The following TMEM170B variants were observed in gnomAD, a reference collection of about 807,000 sequenced individuals.
TMEM170B encodes the protein transmembrane protein 170B.
A neutral mutation model predicts 13.0 loss-of-function variants in TMEM170B; 6 were observed. The ratio of observed to expected loss-of-function variants is 0.46; its 90% CI spans 0.25 to 0.91. TMEM170B has a LOEUF of 0.91. Ranked by LOEUF, TMEM170B falls within the 40% of genes least tolerant of loss-of-function variation. The pLI is 0.17. For synonymous variants in TMEM170B, 61 were observed against 64.9 expected (o/e 0.94, Z 0.29); for missense variants, 138 against 165.2 (o/e 0.84, Z 0.90).
intron 1 of TMEM170B, among the ~76,000 whole-genome samples, chr6:11,563,345 C>T (rs938957739): frequency 2.6e-5 from 4 of 152,114 alleles, no homozygotes; most frequent in African/African-American, 9.7e-5. Context: ...GTTTTCTCCT[C>T]CCTCACACAG....
At chr6:11,563,050 C>A (rs892135880) in intron 1 of TMEM170B, among the ~76,000 whole-genome samples, 1 of 152,216 alleles carries the variant, frequency 6.6e-6, no homozygotes, top group African/African-American at 2.4e-5. Context: ...AGCATACTCG[C>A]TGTTGACTGG....
chr6:11,562,817 C>T (rs553114783), intron 1 of TMEM170B, among the ~76,000 whole-genome samples: 58 of 152,224 alleles, frequency 3.8e-4, no homozygotes, highest in African/African-American at 1.4e-3. Context: ...AATTGTATCA[C>T]TTACATGTAT....
At chr6:11,552,112 G>A (rs1759532823) in intron 1 of TMEM170B, among the ~76,000 whole-genome samples, 1 of 152,156 alleles carries the variant, frequency 6.6e-6, no homozygotes, top group Non-Finnish European at 1.5e-5. Context: ...ATGCTGCCTT[G>A]TAAACCAACT....
intron 2 of TMEM170B, among the ~76,000 whole-genome samples, chr6:11,570,113 T>C (rs757627581): frequency 1.3e-5 from 2 of 152,154 alleles, no homozygotes; most frequent in African/African-American, 4.8e-5. Context: ...TTGGGAAGAA[T>C]TGCCATATTA....
chr6:11,551,790 G>T (rs1759528441), intron 1 of TMEM170B, among the ~76,000 whole-genome samples: 1 of 152,166 alleles, frequency 6.6e-6, no homozygotes, highest in Non-Finnish European at 1.5e-5. Flanking sequence ...ACAAGAAGAG[G>T]TTAAGAGTGG....
Position 11,576,563 on chromosome 6 carries a change from A to G in TMEM170B, c.*1002A>G, listed in dbSNP as rs985028227. The G allele has an allele frequency of 5.3e-5, 8 of 152,146 alleles. No homozygotes were observed. The highest frequency in any genetic ancestry group is 1.9e-4 in the African/African-American group (8 of 41,452). The allele number at this position is 152,146 out of a possible 1,614,324, so 9.4% of individuals were successfully genotyped here. On this transcript the variant is annotated 3_prime_UTR_variant, in exon 3 of 3. Coordinates refer to ENST00000379426, the MANE Select transcript of TMEM170B (RefSeq NM_001100829.3). ...CATAAACAGTCTTTCATTCTGGAGT[A>G]TTAACTGTTTTTAGAGACTGGCCTA...
chr6:11,582,871 T>C lies in TMEM170B; in HGVS notation c.*7310T>C, dbSNP rs143566428. 71 of 152,336 alleles carry C rather than the reference T, an allele frequency of 4.7e-4. No homozygotes were observed. Among genetic ancestry groups the C allele is most frequent in the African/African-American group, 1.7e-3 (69 of 41,594 alleles). The allele number at this position is 152,336 out of a possible 1,614,324, so 9.4% of individuals were successfully genotyped here. A position where few individuals can be genotyped will look rare whatever the true frequency, so the allele number is the denominator to read the frequency against. ...CCTTCTGTTAAGACTATAAACTATA[T>C]GAGTATGTGTACTGCATGTTTACAT... is the stretch of plus-strand genomic sequence containing the variant. On this transcript the variant is annotated 3_prime_UTR_variant, in exon 3 of 3. Coordinates refer to ENST00000379426, the MANE Select transcript of TMEM170B (RefSeq NM_001100829.3).
Position 11,575,795 on chromosome 6 carries a change from TAA to T in TMEM170B, c.*236_*237del, listed in dbSNP as rs1759867052. 2.8e-6 allele frequency: 1 copy of T among 358,298 alleles called. No homozygotes were observed. 22.2% of individuals were successfully genotyped at this position (358,298 alleles called of 1,614,324 possible). ...AGGCAAGGTGCATTAAGACACTATG[TAA>T]AGTTACAAGAAAAAGCACCTTGTTT... On this transcript the variant is annotated 3_prime_UTR_variant, in exon 3 of 3. Coordinates refer to ENST00000379426, the MANE Select transcript of TMEM170B (RefSeq NM_001100829.3). The surrounding 1 kb of genome is among the most constrained non-coding windows in gnomAD (Gnocchi z 4.1).
At chr6:11,542,012 A>C (rs947603699) in intron 1 of TMEM170B, among the ~76,000 whole-genome samples, 3 of 111,340 alleles carry the variant, frequency 2.7e-5, no homozygotes, top group Non-Finnish European at 6.3e-5. Context: ...AAAATACAAT[A>C]ATAAAATAAT....
At position 11,581,851 on chromosome 6, in the gene TMEM170B, G is replaced by C. The variant is rs906738132; in HGVS notation, c.*6290G>C. 1.3e-5 allele frequency: 2 copies of C among 152,180 alleles called. No individual in the cohort carries two copies. Among genetic ancestry groups the C allele is most frequent in the African/African-American group, 4.8e-5 (2 of 41,450 alleles). 9.4% of individuals were successfully genotyped at this position (152,180 alleles called of 1,614,324 possible). A position where few individuals can be genotyped will look rare whatever the true frequency, so the allele number is the denominator to read the frequency against. On this transcript the variant is annotated 3_prime_UTR_variant, in exon 3 of 3. Coordinates refer to ENST00000379426, the MANE Select transcript of TMEM170B (RefSeq NM_001100829.3). ...AGTTTTCTCCATAGAAAGCAACATA[G>C]TGGCACTTGTTGAGTAAATGATCAT...
chr6:11,569,042 T>A (rs1397100094), intron 2 of TMEM170B, among the ~76,000 whole-genome samples: 5 of 152,154 alleles, frequency 3.3e-5, no homozygotes, highest in Non-Finnish European at 7.4e-5. Flanking sequence ...TAATTTGCAT[T>A]TCTGTGATTA....
chr6:11,540,004 A>G (rs1039981407), intron 1 of TMEM170B, among the ~76,000 whole-genome samples: 1 of 152,200 alleles, frequency 6.6e-6, no homozygotes, highest in African/African-American at 2.4e-5. Context: ...AAATAGCATT[A>G]TGTCTGAAAA....
chr6:11,556,482 T>C (rs1276047340), intron 1 of TMEM170B, among the ~76,000 whole-genome samples: 1 of 152,140 alleles, frequency 6.6e-6, no homozygotes, highest in East Asian at 1.9e-4. Context: ...CCCCCAGTGG[T>C]GGAATGCTGA....
Position 11,538,288 on chromosome 6 carries a change from A to G in TMEM170B, c.11A>G (p.Glu4Gly). Reference sequence around the variant, plus strand: ...CGCCCCTCGGGGAAGATGAAGGCGGAGGGGGGCGACCACTCCATGATCAAC... The same window carrying G: ...CGCCCCTCGGGGAAGATGAAGGCGGGGGGGGGCGACCACTCCATGATCAAC... MKAEGGDHSMINLS... is the reference protein window; with the variant it reads MKAGGGDHSMINLS... Residue 4 changes from glutamate to glycine, a missense_variant, in exon 1 of 3, where the codon GAG becomes GGG. Glu to Gly is a moderately conservative substitution (Grantham distance 98). Transcript: ENST00000379426. 7.1e-7 allele frequency: 1 copy of G among 1,412,676 alleles called. No homozygotes were observed. Among genetic ancestry groups the G allele is most frequent in the Non-Finnish European group, 9.2e-7 (1 of 1,082,868 alleles). 87.5% of individuals were successfully genotyped at this position (1,412,676 alleles called of 1,614,324 possible). A position where few individuals can be genotyped will look rare whatever the true frequency, so the allele number is the denominator to read the frequency against.
At chr6:11,552,751 A>G (rs1353199167) in intron 1 of TMEM170B, among the ~76,000 whole-genome samples, 2 of 152,206 alleles carry the variant, frequency 1.3e-5, no homozygotes, top group African/African-American at 4.8e-5. Flanking sequence ...TAGCATTAAA[A>G]TGAGGTAGAA....
In TMEM170B at chr6:11,546,170, A is replaced by C. The variant is rs117144857; in HGVS notation, c.97+7796A>C. Among the ~76,000 whole-genome samples the C allele has an allele frequency of 1.1e-3, 173 of 152,224 alleles. 3 individuals carry two copies. The East Asian group carries it at 0.026, about 23-fold the overall frequency. ...TCCATGGGACAAAGTGTGGAGGTGG[A>C]AGACAGTGATATTGATGATCCTGAC... On this transcript the variant is annotated intron_variant, in intron 1 of 2. Transcript: ENST00000379426.
intron 1 of TMEM170B, among the ~76,000 whole-genome samples, chr6:11,544,096 CAG>C (rs1455336665): frequency 6.6e-6 from 1 of 152,142 alleles, no homozygotes; most frequent in African/African-American, 2.4e-5. Context: ...GGACTGGAAC[CAG>C]AGTTTCCTGG....
At chr6:11,566,947 G>C (rs563247481) in intron 2 of TMEM170B, among the ~76,000 whole-genome samples, 4 of 152,162 alleles carry the variant, frequency 2.6e-5, no homozygotes, top group Non-Finnish European at 4.4e-5. Context: ...GCCCACTTAC[G>C]CATTTCCTGA....
intron 1 of TMEM170B, among the ~76,000 whole-genome samples, chr6:11,552,538 A>G (rs1405200576): frequency 6.6e-6 from 1 of 152,188 alleles, no homozygotes; most frequent in Non-Finnish European, 1.5e-5. Context: ...TGCCATGTGC[A>G]TGTGCAGAAA....
Sources: allele counts gnomAD v4.1 joint callset (sites outside exome capture counted in the v4.1 genomes callset), GRCh38; gene constraint gnomAD v4.1.1; non-coding constraint Gnocchi (gnomAD v3.1); transcripts MANE v1.5; gene names NCBI Gene and HGNC (gene_info 2026-07-23, HGNC 2026-07-21).